The following CDH23 variants were observed in gnomAD, a reference collection of about 807,000 sequenced individuals.
CDH23 encodes cadherin-23.
CDH23 carries 189 observed loss-of-function variants against 317.1 expected under a neutral mutation model. The observed-to-expected ratio is 0.60, with a 90% CI of 0.53 to 0.67. CDH23 has a LOEUF of 0.67. CDH23 is among the 30% of genes least tolerant of loss of function. CDH23 has a pLI of 0.00. For missense variants in CDH23, 4,401 were observed against 4,592.4 expected (o/e 0.96, Z 1.20); for synonymous variants, 1,839 against 1,876.8 (o/e 0.98, Z 0.52).
intron 6 of CDH23, among the ~76,000 whole-genome samples, chr10:71,538,670 T>A (rs1225271390): frequency 1.3e-5 from 2 of 152,210 alleles, no homozygotes; most frequent in East Asian, 3.8e-4. Flanking sequence ...CTAGAACAAC[T>A]GCCTTGTCCA....
At chr10:71,580,073 T>C (rs1334627511) in intron 9 of CDH23, among the ~76,000 whole-genome samples, 1 of 152,222 alleles carries the variant, frequency 6.6e-6, no homozygotes, top group Non-Finnish European at 1.5e-5. Context: ...GAGCCCATCC[T>C]CCAGGGCGCT....
In CDH23 at chr10:71,709,120, C is replaced by T; in HGVS notation, c.3129C>T (p.Phe1043=). Residue 1043 remains phenylalanine (F), a synonymous_variant, in exon 27 of 70, where the codon TTC becomes TTT. Transcript: ENST00000224721. ...CAGGTGGCAACGTGGATGGGAAGTTCAGCGTGGGTTACCGCGATGCCGTTG... is the reference window on the plus strand; with the variant it reads ...CAGGTGGCAACGTGGATGGGAAGTTTAGCGTGGGTTACCGCGATGCCGTTG... ...FITGGNVDGK[F]SVGYRDAVVR... is the part of the protein sequence containing the mutation. 1 of 1,613,894 alleles carries T rather than the reference C, an allele frequency of 6.2e-7. No homozygotes were observed. The highest frequency in any genetic ancestry group is 8.5e-7 in the Non-Finnish European group (1 of 1,179,890).
At chr10:71,704,838 A>G in intron 24 of CDH23, 73 bp from the exon 25 acceptor site, 1 of 1,184,910 alleles carries the variant, frequency 8.4e-7, no homozygotes, top group Non-Finnish European at 1.2e-6. Context: ...AGGGAGGAGG[A>G]GCACTTCTTG....
At chr10:71,513,456 G>A (rs1564625485) in intron 6 of CDH23, among the ~76,000 whole-genome samples, 1 of 152,190 alleles carries the variant, frequency 6.6e-6, no homozygotes, top group Non-Finnish European at 1.5e-5. Flanking sequence ...CCAGGCCCCT[G>A]CCCTTTAGAG....
intron 3 of CDH23, among the ~76,000 whole-genome samples, chr10:71,472,698 G>A (rs553498420): frequency 2.0e-5 from 3 of 152,340 alleles, no homozygotes; most frequent in Non-Finnish European, 1.5e-5. Context: ...GGGTTGCCAA[G>A]GGAGGGGTCT....
At chr10:71,566,383 C>T (rs907529334) in intron 6 of CDH23, among the ~76,000 whole-genome samples, 9 of 152,216 alleles carry the variant, frequency 5.9e-5, no homozygotes, top group South Asian at 2.1e-4. Context: ...AGGCTTGAGG[C>T]TGGTCCCCAA....
Position 71,593,047 on chromosome 10 carries a change from C to T in CDH23, c.832+15055C>T, listed in dbSNP as rs576721594. On this transcript the variant is annotated intron_variant, in intron 9 of 69. Coordinates refer to ENST00000224721, the MANE Select transcript of CDH23 (RefSeq NM_022124.6). ...GGGAGCTGGCAGCCTGAGATGCTGT[C>T]CCCTAGGCAGCCGGTACAGGAGAGG... 1.2e-3 allele frequency among the ~76,000 whole-genome samples: 178 copies of T among 152,348 alleles called. 1 individual carries two copies. Among genetic ancestry groups the T allele is most frequent in the Middle Eastern group, 0.01 (3 of 294 alleles).
At chr10:71,554,748 T>C (rs1856787884) in intron 6 of CDH23, among the ~76,000 whole-genome samples, 1 of 152,082 alleles carries the variant, frequency 6.6e-6, no homozygotes, top group Non-Finnish European at 1.5e-5. Context: ...TTTTGGCCTT[T>C]GATTTTTCAA....
chr10:71,557,918 A>G (rs147967060), intron 6 of CDH23, among the ~76,000 whole-genome samples: 130 of 152,336 alleles, frequency 8.5e-4, no homozygotes, highest in African/African-American at 3.0e-3. Flanking sequence ...ATCTGGAAAC[A>G]GGTCCTTCAG....
Position 71,613,524 on chromosome 10 carries a change from T to G in CDH23, c.833-1980T>G, listed in dbSNP as rs577664795. ...GCCTTGCCCAGCCCATACAGTGGAC[T>G]GGGAGGACAGGTGAGAGTGGCCACT... On this transcript the variant is annotated intron_variant, in intron 9 of 69. Transcript: ENST00000224721. Among the ~76,000 whole-genome samples the G allele has an allele frequency of 5.9e-5, 9 of 152,308 alleles. 1 individual carries two copies. In the South Asian group the frequency reaches 1.9e-3, roughly 32 times the overall value.
At chr10:71,704,305 G>A (rs1302666708) in intron 24 of CDH23, among the ~76,000 whole-genome samples, 6 of 152,064 alleles carry the variant, frequency 3.9e-5, no homozygotes, top group Admixed American at 2.0e-4. Context: ...GTCTTGAGTC[G>A]GGCAATCTGA....
intron 9 of CDH23, among the ~76,000 whole-genome samples, chr10:71,594,633 C>T (rs555586046): frequency 5.3e-5 from 8 of 152,292 alleles, no homozygotes; most frequent in African/African-American, 1.7e-4. Context: ...CCTTGGCCTC[C>T]CAAAGTGCTG....
intron 3 of CDH23, among the ~76,000 whole-genome samples, chr10:71,498,072 C>T (rs1257123109): frequency 2.0e-5 from 3 of 152,310 alleles, no homozygotes; most frequent in East Asian, 3.9e-4. Flanking sequence ...CAGTTCTCCT[C>T]GTGGACCTCT....
chr10:71,680,810 CTTTTTTTTTTTTCTTTTTCTTTT>C (rs1474095613), intron 17 of CDH23, among the ~76,000 whole-genome samples: 2 of 100,594 alleles, frequency 2.0e-5, no homozygotes, highest in East Asian at 7.0e-4. Flanking sequence ...CTCTGTCTTT[CTTTTTTTTTTTTCTTTTTCTTTT>C]TTTTTTTTTT....
intron 3 of CDH23, among the ~76,000 whole-genome samples, chr10:71,474,881 G>A (rs1400685323): frequency 6.6e-6 from 1 of 152,240 alleles, no homozygotes; most frequent in Non-Finnish European, 1.5e-5. Flanking sequence ...AATAAACCTG[G>A]ATTCTTACTT....
rs1392532049 is a variant in CDH23, at chr10:71,779,334, T to G, written c.5255T>G (p.Phe1752Cys). Residue 1752 changes from phenylalanine (F) to cysteine (C), a missense_variant, in exon 41 of 70, where the codon TTT becomes TGT. Physicochemically the swap from Phe to Cys is radical, Grantham distance 205. Coordinates refer to ENST00000224721, the MANE Select transcript of CDH23 (RefSeq NM_022124.6). ...PTFPRDYEGP[F>C]EVTEGQPGPR... ...TTCCCCCGGGACTATGAGGGACCAT[T>G]TGAAGTCACTGAGGGCCAGCCGGGG... 5.6e-6 allele frequency: 9 copies of G among 1,613,990 alleles called. No homozygotes were observed. The highest frequency in any genetic ancestry group is 6.8e-6 in the Non-Finnish European group (8 of 1,179,870).
At chr10:71,755,150 G>A in intron 38 of CDH23, 1 of 660,112 alleles carries the variant, frequency 1.5e-6, no homozygotes, top group South Asian at 1.5e-5. Context: ...AGCCAAAGGG[G>A]CTGGTGGGCA....
rs71480588 is a variant in CDH23 at position 71,667,348 on chromosome 10, A to AAG, written c.1450-7753_1450-7752dup. ...GTAGGGGTGCTGCTTGAGGCAGAGA[A>AAG]AGAGAGAGAGAGTGTGTGTGTGTGT... is the stretch of plus-strand genomic sequence containing the variant. On this transcript the variant is annotated intron_variant, in intron 14 of 69. Transcript: ENST00000224721. 1.5e-3 allele frequency among the ~76,000 whole-genome samples: 183 copies of AAG among 122,400 alleles called. 1 individual carries two copies. Among genetic ancestry groups the AAG allele is most frequent in the African/African-American group, 4.2e-3 (139 of 32,798 alleles). 80.3% of individuals were successfully genotyped at this position (122,400 alleles called of 152,430 possible). A position where few individuals can be genotyped will look rare whatever the true frequency, so the allele number is the denominator to read the frequency against.
chr10:71,534,762 C>A (rs1159279831), intron 6 of CDH23, among the ~76,000 whole-genome samples: 1 of 152,226 alleles, frequency 6.6e-6, no homozygotes, highest in African/African-American at 2.4e-5. Context: ...CAGTTGCTGC[C>A]TGTGCTGGAA....
Sources: allele counts gnomAD v4.1 joint callset (sites outside exome capture counted in the v4.1 genomes callset), GRCh38; gene constraint gnomAD v4.1.1; transcripts MANE v1.5; gene names NCBI Gene and HGNC (gene_info 2026-07-23, HGNC 2026-07-21).